GPX2: variants seen among roughly 807,000 people sequenced by gnomAD.
GPX2 encodes gastrointestinal glutathione peroxidase.
A neutral mutation model predicts 14.1 loss-of-function variants in GPX2; 21 were observed. The ratio of observed to expected loss-of-function variants is 1.48; its 90% confidence interval spans 1.05 to 2.14. The LOEUF (loss-of-function observed/expected upper bound fraction) is 2.14. Ranked by LOEUF, GPX2 falls within the 30% of genes most tolerant of loss-of-function variation. The pLI is 0.00. For missense variants in GPX2, 241 were observed against 249.8 expected, an observed-to-expected ratio of 0.96 and a Z score of 0.24; for synonymous variants, 94 against 95.2, an observed-to-expected ratio of 0.99 and a Z score of 0.07.
At chr14:64,941,654 T>G (rs1057042621) in intron 1 of GPX2, 1 of 685,294 alleles carries the variant, frequency 1.5e-6, no homozygotes. Flanking sequence ...TTCATACCAC[T>G]GTGAATTGAA....
At chr14:64,941,563 G>A (rs1459904647) in intron 1 of GPX2, 1 of 1,276,202 alleles carries the variant, frequency 7.8e-7, no homozygotes, top group East Asian at 5.6e-5. Context: ...GGGAAGAACA[G>A]TGAGAGCAGT....
In GPX2 at chr14:64,940,256, C is replaced by T; in HGVS notation, c.223-418G>A. On this transcript the variant is annotated intron_variant, in intron 1 of 1. Transcript: ENST00000389614. This position sits in a 1 kb window ranked among gnomAD's most constrained non-coding sequence, Gnocchi z 4.5. ...GAGGCTTAGGTTATACTGCTTAGAA[C>T]CTCCTCTTCAACTAACCTACCGACC... 2 of 1,098,016 alleles carry T rather than the reference C, an allele frequency of 1.8e-6. No individual in the cohort carries two copies. The highest frequency in any genetic ancestry group is 2.5e-6 in the Non-Finnish European group (2 of 813,766). 68.0% of individuals were successfully genotyped at this position (1,098,016 alleles called of 1,614,324 possible).
In GPX2 at chr14:64,941,502, G is replaced by A. The variant is rs1049589796; in HGVS notation, c.222+1003C>T. ...GGCTGGAGGGACATCTCGAAAGAGG[G>A]TTTGCTACTTCTGTCTCTCCTGCTC... On this transcript the variant is annotated intron_variant, in intron 1 of 1. Coordinates refer to ENST00000389614, the MANE Select transcript of GPX2 (RefSeq NM_002083.4). The A allele has an allele frequency of 5.4e-6, 7 of 1,288,520 alleles. No homozygotes were observed. The African/African-American group carries it at 1.1e-4, about 20-fold the overall frequency. The allele number at this position is 1,288,520 out of a possible 1,614,324, so 79.8% of individuals were successfully genotyped here.
In GPX2 at chr14:64,939,848, G is replaced by A. The variant is rs778601267; in HGVS notation, c.223-10C>T. On this transcript the variant is annotated splice_polypyrimidine_tract_variant and intron_variant, in intron 1 of 1. Coordinates refer to ENST00000389614, the MANE Select transcript of GPX2 (RefSeq NM_002083.4). This position sits in a 1 kb window ranked among gnomAD's most constrained non-coding sequence, Gnocchi z 5.7. Reference sequence around the variant, plus strand: ...CATTCTGACAGTTCTCCTAGGGGAGGAAAAAGACAAAGTGCGTGGACAGTG... The same window carrying A: ...CATTCTGACAGTTCTCCTAGGGGAGAAAAAAGACAAAGTGCGTGGACAGTG... 187 of 1,611,046 alleles carry A rather than the reference G, an allele frequency of 1.2e-4. 2 individuals are homozygous for A. The highest frequency in any genetic ancestry group is 3.3e-4 in the Middle Eastern group (2 of 6,044).
In GPX2 at chr14:64,939,907, T is replaced by A. The variant is rs545426729; in HGVS notation, c.223-69A>T. 1.0e-4 allele frequency: 154 copies of A among 1,547,028 alleles called. 2 individuals carry two copies. The Admixed American group carries it at 1.0e-3, about 10-fold the overall frequency. On this transcript the variant is annotated intron_variant, in intron 1 of 1. Transcript: ENST00000389614. This position sits in a 1 kb window ranked among gnomAD's most constrained non-coding sequence, Gnocchi z 5.7. ...AAGAGAAAGATCCACAACATGAAAC[T>A]CTTTCACCCTCCTACACTCCCTCCC...
Position 64,940,203 on chromosome 14 carries a change from A to G in GPX2, c.223-365T>C. On this transcript the variant is annotated intron_variant, in intron 1 of 1. Transcript: ENST00000389614. The surrounding 1 kb of genome is among the most constrained non-coding windows in gnomAD (Gnocchi z 4.5). ...TCCAGTCTACCCTGAGCAGTTCTTA[A>G]GGTGTTTGAAGCAGAAGAAAGAGAA... 2 of 1,307,586 alleles carry G rather than the reference A, an allele frequency of 1.5e-6. No individual in the cohort carries two copies. Among genetic ancestry groups the G allele is most frequent in the Non-Finnish European group, 2.0e-6 (2 of 1,001,058 alleles). The allele number at this position is 1,307,586 out of a possible 1,614,324, so 81.0% of individuals were successfully genotyped here. A position where few individuals can be genotyped will look rare whatever the true frequency, so the allele number is the denominator to read the frequency against.
In GPX2 at chr14:64,940,174, T is replaced by C; in HGVS notation, c.223-336A>G. ...TTTAGCACTTCTGAGCTGTTGCTTT[T>C]GTCTCCAGTCTACCCTGAGCAGTTC... On this transcript the variant is annotated intron_variant, in intron 1 of 1. Transcript: ENST00000389614. This position sits in a 1 kb window ranked among gnomAD's most constrained non-coding sequence, Gnocchi z 4.5. 7.5e-7 allele frequency: 1 copy of C among 1,331,200 alleles called. No individual in the cohort carries two copies. Among genetic ancestry groups the C allele is most frequent in the Non-Finnish European group, 9.8e-7 (1 of 1,016,592 alleles). The allele number at this position is 1,331,200 out of a possible 1,614,324, so 82.5% of individuals were successfully genotyped here.
rs1449284791 is a variant in GPX2, at chr14:64,939,612, A to G, written c.449T>C (p.Val150Ala). The G allele has an allele frequency of 6.2e-6, 10 of 1,614,062 alleles. No homozygotes were observed. The highest frequency in any genetic ancestry group is 1.3e-5 in the African/African-American group (1 of 74,920). Reference sequence around the variant, plus strand: ...GAGGAACTTCTCAAAGTTCCAGGCCACATCTGAGCGGCGCACAGGGCTCCA... The same window carrying G: ...GAGGAACTTCTCAAAGTTCCAGGCCGCATCTGAGCGGCGCACAGGGCTCCA... The part of the protein sequence containing the change: ...IIWSPVRRSD[V>A]AWNFEKFLIG... Residue 150 changes from valine to alanine, a missense_variant, in exon 2 of 2, where the codon GTG becomes GCG. Val to Ala is a moderately conservative substitution (Grantham distance 64). Transcript: ENST00000389614. The surrounding 1 kb of genome is among the most constrained non-coding windows in gnomAD (Gnocchi z 5.7).
chr14:64,942,465 A>G (rs756456356), intron 1 of GPX2, 40 bp downstream of exon 1: 2 of 1,537,362 alleles, frequency 1.3e-6, no homozygotes, highest in Non-Finnish European at 1.8e-6. Flanking sequence ...AGCTACACCA[A>G]CCCAACACTT....
Position 64,942,579 on chromosome 14 carries a change from G to A in GPX2, c.148C>T (p.Leu50Phe), listed in dbSNP as rs374085622. The stretch of plus-strand genomic sequence containing the variant: ...GGAAAGCGGCATTGCAGCTCGTTGA[G>A]CTGGGTGAAGTCCCGGGTGGTTGTG... ...UGTTTRDFTQ[L>F]NELQCRFPRR... The change falls in exon 1 of 2, where the codon CTC (leucine) becomes TTC (phenylalanine). Residue 50 changes from leucine (L) to phenylalanine (F), a missense_variant. Physicochemically the swap from Leu to Phe is conservative, Grantham distance 22. Coordinates refer to ENST00000389614, the MANE Select transcript of GPX2 (RefSeq NM_002083.4). 3 of 1,614,120 alleles carry A rather than the reference G, an allele frequency of 1.9e-6. No homozygotes were observed. The African/African-American group carries it at 4.0e-5, about 22-fold the overall frequency.
rs887497913 is a variant in GPX2, at chr14:64,940,283, A to G, written c.223-445T>C. ...TCCTCTTCAACTAACCTACCGACCC[A>G]CCTACCCATAAATCCATACCTACAC... is the stretch of plus-strand genomic sequence containing the variant. On this transcript the variant is annotated intron_variant, in intron 1 of 1. Coordinates refer to ENST00000389614, the MANE Select transcript of GPX2 (RefSeq NM_002083.4). The surrounding 1 kb of genome is among the most constrained non-coding windows in gnomAD (Gnocchi z 4.5). The G allele has an allele frequency of 1.7e-5, 13 of 751,882 alleles. No homozygotes were observed. The highest frequency in any genetic ancestry group is 1.6e-4 in the Admixed American group (7 of 42,850). 46.6% of individuals were successfully genotyped at this position (751,882 alleles called of 1,614,324 possible).
rs1885550357 is a variant in GPX2 at position 64,940,135 on chromosome 14, G to A, written c.223-297C>T. On this transcript the variant is annotated intron_variant, in intron 1 of 1. Transcript: ENST00000389614. The surrounding 1 kb of genome is among the most constrained non-coding windows in gnomAD (Gnocchi z 4.5). The stretch of plus-strand genomic sequence containing the variant: ...GTCTCACTTTGTTGCCCATGCTTTG[G>A]CTGCTCTTCAAGATTTAGCACTTCT... The A allele has an allele frequency of 7.2e-7, 1 of 1,379,630 alleles. No homozygotes were observed. Among genetic ancestry groups the A allele is most frequent in the African/African-American group, 1.4e-5 (1 of 69,068 alleles). 85.5% of individuals were successfully genotyped at this position (1,379,630 alleles called of 1,614,324 possible). A position where few individuals can be genotyped will look rare whatever the true frequency, so the allele number is the denominator to read the frequency against.
intron 1 of GPX2, chr14:64,941,518 T>C: frequency 7.8e-7 from 1 of 1,288,080 alleles, no homozygotes; most frequent in South Asian, 1.2e-5. Flanking sequence ...TACTTCTGTC[T>C]CTCCTGCTCT....
chr14:64,939,955 G>A lies in GPX2; in HGVS notation c.223-117C>T. On this transcript the variant is annotated intron_variant, in intron 1 of 1. Transcript: ENST00000389614. This position sits in a 1 kb window ranked among gnomAD's most constrained non-coding sequence, Gnocchi z 5.7. ...CCCCAGGGTCATTCTTTTTCACTGT[G>A]AAAGAGAGAGAGACAAGACAGACGA... 1 of 1,461,992 alleles carries A rather than the reference G, an allele frequency of 6.8e-7. No individual in the cohort carries two copies. Among genetic ancestry groups the A allele is most frequent in the Non-Finnish European group, 9.0e-7 (1 of 1,116,662 alleles). The allele number at this position is 1,461,992 out of a possible 1,614,324, so 90.6% of individuals were successfully genotyped here.
rs1885545707 is a variant in GPX2, at chr14:64,940,079, G to A, written c.223-241C>T. ...CTACAGACACAGGCCACCATGCCCG[G>A]CTAATTTTTTTTTTTTTTTGTAGAG... On this transcript the variant is annotated intron_variant, in intron 1 of 1. Transcript: ENST00000389614. The surrounding 1 kb of genome is among the most constrained non-coding windows in gnomAD (Gnocchi z 4.5). 1.5e-6 allele frequency: 2 copies of A among 1,377,054 alleles called. No homozygotes were observed. The highest frequency in any genetic ancestry group is 1.5e-5 in the African/African-American group (1 of 68,758). The allele number at this position is 1,377,054 out of a possible 1,614,324, so 85.3% of individuals were successfully genotyped here.
At chr14:64,941,265 A>T in intron 1 of GPX2, 1 of 825,362 alleles carries the variant, frequency 1.2e-6, no homozygotes, top group South Asian at 2.0e-5. Context: ...ACAAGGTTTC[A>T]CCATGTTGCT....
chr14:64,942,533 C>G lies in GPX2; in HGVS notation c.194G>C (p.Gly65Ala), dbSNP rs762521958. The G allele has an allele frequency of 6.2e-7, 1 of 1,614,176 alleles. No individual in the cohort carries two copies. Among genetic ancestry groups the G allele is most frequent in the Non-Finnish European group, 8.5e-7 (1 of 1,180,020 alleles). ...CRFPRRLVVL[G>A]FPCNQFGHQE... is the part of the protein sequence containing the mutation. ...ATGTCCAAATTGGTTGCAAGGGAAG[C>G]CAAGGACCACCAGGCGCCTGGGAAA... is the stretch of plus-strand genomic sequence containing the variant. Residue 65 changes from glycine (G) to alanine (A), a missense_variant, in exon 1 of 2, where the codon GGC becomes GCC. Physicochemically the swap from Gly to Ala is moderately conservative, Grantham distance 60. Transcript: ENST00000389614.
rs750595093 is a variant in GPX2 at position 64,942,635 on chromosome 14, A to G, written c.92T>C (p.Val31Ala). 2.5e-6 allele frequency: 4 copies of G among 1,614,190 alleles called. No individual in the cohort carries two copies. Among genetic ancestry groups the G allele is most frequent in the Non-Finnish European group, 2.5e-6 (3 of 1,180,020 alleles). The change falls in exon 1 of 2, where the codon GTG becomes GCG. Residue 31 changes from valine to alanine, a missense_variant. By Grantham distance (64) the Val-to-Ala change is moderately conservative. Coordinates refer to ENST00000389614, the MANE Select transcript of GPX2 (RefSeq NM_002083.4). ...VDFNTFRGRA[V>A]LIENVASLUG... is the part of the protein sequence containing the mutation. ...GAGCGAAGCCACATTCTCAATCAGCACGGCCCTGCCCCGGAACGTATTGAA... is the reference window on the plus strand; with the variant it reads ...GAGCGAAGCCACATTCTCAATCAGCGCGGCCCTGCCCCGGAACGTATTGAA...
At chr14:64,941,859 C>T (rs1594921228) in intron 1 of GPX2, among the ~76,000 whole-genome samples, 1 of 152,208 alleles carries the variant, frequency 6.6e-6, no homozygotes, top group South Asian at 2.1e-4. Flanking sequence ...AAACCTTTCT[C>T]TTTCCTGCTT....
Sources: allele counts gnomAD v4.1 joint callset (sites outside exome capture counted in the v4.1 genomes callset), GRCh38; gene constraint gnomAD v4.1.1; non-coding constraint Gnocchi (gnomAD v3.1); transcripts MANE v1.5; gene names NCBI Gene and HGNC (gene_info 2026-07-23, HGNC 2026-07-21).